Variants in SLC10A2 observed in about 807,000 individuals in gnomAD.
The protein encoded by SLC10A2 is solute carrier family 10 member 2, also known as ileal sodium/bile acid cotransporter.
A neutral mutation model predicts 27.1 loss-of-function variants in SLC10A2; 34 were observed. The ratio of observed to expected loss-of-function variants is 1.26; its 90% CI spans 0.96 to 1.67. The LOEUF (loss-of-function observed/expected upper bound fraction) is 1.67, where lower values mean the gene tolerates loss of function less well. Ranked by LOEUF, SLC10A2 falls within the 40% of genes most tolerant of loss-of-function variation. The pLI, the probability that SLC10A2 is intolerant of heterozygous loss-of-function variation, is 0.00. For missense variants in SLC10A2, 530 were observed against 444.4 expected, an observed-to-expected ratio of 1.19 and a Z score of -1.73; for synonymous variants, 205 against 174.0, an observed-to-expected ratio of 1.18 and a Z score of -1.40.
intron 4 of SLC10A2, among the ~76,000 whole-genome samples, 200 bp downstream of exon 4, chr13:103,051,057 G>T (rs1370209556): frequency 6.6e-6 from 1 of 152,062 alleles, no homozygotes; most frequent in African/African-American, 2.4e-5. Context: ...GGCCAGTAAG[G>T]GATCCCTCCA....
chr13:103,066,384 T>C lies in SLC10A2; in HGVS notation c.-135A>G. The C allele has an allele frequency of 1.1e-6, 1 of 931,164 alleles. No individual in the cohort carries two copies. 57.7% of individuals were successfully genotyped at this position (931,164 alleles called of 1,614,324 possible). A position where few individuals can be genotyped will look rare whatever the true frequency, so the allele number is the denominator to read the frequency against. On this transcript the variant is annotated 5_prime_UTR_variant, in exon 1 of 6. Coordinates refer to ENST00000245312, the MANE Select transcript of SLC10A2 (RefSeq NM_000452.3). ...TAAACCCCTCCTAAAAATATGTCAC[T>C]TGGTGTCTCTTTTGAAAGCCACCTT...
chr13:103,052,268 G>A (rs1595438956), intron 3 of SLC10A2, among the ~76,000 whole-genome samples: 1 of 152,188 alleles, frequency 6.6e-6, no homozygotes, highest in Non-Finnish European at 1.5e-5. Context: ...CCCAAGAGGT[G>A]ATAGTTCAGT....
chr13:103,049,103 T>A (rs146202126), intron 5 of SLC10A2, among the ~76,000 whole-genome samples, 186 bp downstream of exon 5: 16 of 152,328 alleles, frequency 1.1e-4, no homozygotes, highest in Non-Finnish European at 1.3e-4. Flanking sequence ...TTTGCTAGAA[T>A]CTTTTGGTAA....
At chr13:103,063,758 C>T (rs1252455151) in intron 1 of SLC10A2, among the ~76,000 whole-genome samples, 3 of 152,062 alleles carry the variant, frequency 2.0e-5, no homozygotes, top group African/African-American at 4.8e-5. Flanking sequence ...TCTAAAATAC[C>T]GTGACATCTT....
Position 103,065,861 on chromosome 13 carries a change from A to G in SLC10A2, c.377+12T>C, listed in dbSNP as rs56182000. On this transcript the variant is annotated intron_variant, in intron 1 of 5. Coordinates refer to ENST00000245312, the MANE Select transcript of SLC10A2 (RefSeq NM_000452.3). ...AGGTGATTGCAGTAGTTAGAGGTATAGATAATCTTACCTCAGGTCCATGTC... is the reference window on the plus strand; with the variant it reads ...AGGTGATTGCAGTAGTTAGAGGTATGGATAATCTTACCTCAGGTCCATGTC... 0.02 allele frequency: 31,770 copies of G among 1,613,718 alleles called. 401 individuals are homozygous for G. The highest frequency in any genetic ancestry group is 0.037 in the African/African-American group (2,797 of 75,040).
intron 2 of SLC10A2, among the ~76,000 whole-genome samples, chr13:103,056,817 T>C (rs1875952269): frequency 6.6e-6 from 1 of 152,094 alleles, no homozygotes; most frequent in South Asian, 2.1e-4. Context: ...AAGCCCATAC[T>C]GAATAGGGCA....
Position 103,049,397 on chromosome 13 carries a change from A to C in SLC10A2, c.811T>G (p.Ser271Ala). The C allele has an allele frequency of 6.2e-7, 1 of 1,614,084 alleles. No individual in the cohort carries two copies. Among genetic ancestry groups the C allele is most frequent in the Non-Finnish European group, 8.5e-7 (1 of 1,179,958 alleles). ...ETGMQNTQLCSTIVQLSFTPE... is the reference protein window; with the variant it reads ...ETGMQNTQLCATIVQLSFTPE... ...GTGAAGGAGAGCTGAACGATGGTGGAACATAGCTGCGTGTTCTGCATCCCC... is the reference window on the plus strand; with the variant it reads ...GTGAAGGAGAGCTGAACGATGGTGGCACATAGCTGCGTGTTCTGCATCCCC... The change falls in exon 5 of 6, where the codon TCC becomes GCC. Residue 271 changes from serine (S) to alanine (A), a missense_variant. Physicochemically the swap from Ser to Ala is moderately conservative, Grantham distance 99. Coordinates refer to ENST00000245312, the MANE Select transcript of SLC10A2 (RefSeq NM_000452.3).
In SLC10A2 at chr13:103,064,136, T is replaced by G. The variant is rs181425706; in HGVS notation, c.377+1737A>C. On this transcript the variant is annotated intron_variant, in intron 1 of 5. Transcript: ENST00000245312. ...TGGGTCTTGTTGAGCTCTGGATAGGTGAGGTTGCTCCATGTTGCGTTACAG... is the reference window on the plus strand; with the variant it reads ...TGGGTCTTGTTGAGCTCTGGATAGGGGAGGTTGCTCCATGTTGCGTTACAG... Among the ~76,000 whole-genome samples, 365 of 152,256 alleles carry G rather than the reference T, an allele frequency of 2.4e-3. 3 individuals are homozygous for G. Among genetic ancestry groups the G allele is most frequent in the African/African-American group, 8.3e-3 (343 of 41,554 alleles).
At chr13:103,057,342 C>T (rs1875968761) in intron 2 of SLC10A2, among the ~76,000 whole-genome samples, 1 of 152,164 alleles carries the variant, frequency 6.6e-6, no homozygotes, top group Non-Finnish European at 1.5e-5. Context: ...ATAACTTAAT[C>T]TCCCACTATA....
chr13:103,050,533 C>T (rs753641360), intron 4 of SLC10A2, among the ~76,000 whole-genome samples: 57 of 152,304 alleles, frequency 3.7e-4, no homozygotes, highest in Middle Eastern at 3.4e-3. Context: ...GCTGGAGGAA[C>T]GCTTGTCTAT....
chr13:103,058,273 C>T lies in SLC10A2; in HGVS notation c.487G>A (p.Asp163Asn). The T allele has an allele frequency of 6.3e-7, 1 of 1,577,210 alleles. No homozygotes were observed. The highest frequency in any genetic ancestry group is 8.7e-7 in the Non-Finnish European group (1 of 1,146,444). ...VDSGSIVIPY[D>N]NIGTSLVSLV... ...CAGATGGATGACTTACCTATGTTAT[C>T]ATAGGGAATTACGATGCTCCCAGAG... The change falls in exon 2 of 6, where the codon GAT (aspartate) becomes AAT (asparagine). Residue 163 changes from aspartate (D) to asparagine (N), a missense_variant. Transcript: ENST00000245312.
In SLC10A2 at chr13:103,052,848, ACACACACACACATG is replaced by A. The variant is rs571724934; in HGVS notation, c.497-154_497-141del. The stretch of plus-strand genomic sequence containing the variant: ...AATACACAAAACAGAATACAGAATT[ACACACACACACATG>A]CACACACACACTCACTCAACTTCTT... On this transcript the variant is annotated intron_variant, in intron 2 of 5. Transcript: ENST00000245312. The A allele has an allele frequency of 3.0e-4, 197 of 659,150 alleles. 2 individuals carry two copies. In the East Asian group the frequency reaches 3.4e-3, roughly 12 times the overall value. 40.8% of individuals were successfully genotyped at this position (659,150 alleles called of 1,614,324 possible).
At chr13:103,046,415 T>C (rs1315568398) in intron 5 of SLC10A2, among the ~76,000 whole-genome samples, 155 bp from the exon 6 acceptor site, 1 of 152,194 alleles carries the variant, frequency 6.6e-6, no homozygotes, top group African/African-American at 2.4e-5. Context: ...CTTAGTTCTA[T>C]GGCTACTCAT....
At chr13:103,064,197 C>T (rs941233175) in intron 1 of SLC10A2, among the ~76,000 whole-genome samples, 7 of 151,992 alleles carry the variant, frequency 4.6e-5, no homozygotes, top group Non-Finnish European at 7.4e-5. Context: ...TTCATTTGCA[C>T]GGATTTAGCT....
chr13:103,057,350 A>G (rs908627974), intron 2 of SLC10A2, among the ~76,000 whole-genome samples: 2 of 152,120 alleles, frequency 1.3e-5, no homozygotes, highest in Non-Finnish European at 2.9e-5. Flanking sequence ...ATCTCCCACT[A>G]TAATTTGTTT....
At chr13:103,064,325 T>G (rs1278504631) in intron 1 of SLC10A2, among the ~76,000 whole-genome samples, 1 of 152,214 alleles carries the variant, frequency 6.6e-6, no homozygotes, top group African/African-American at 2.4e-5. Context: ...TCAAGAGAAA[T>G]AAGATTTCCT....
rs752871761 is a variant in SLC10A2 at position 103,051,465 on chromosome 13, T to G, written c.586-33A>C. 5.0e-6 allele frequency: 8 copies of G among 1,610,778 alleles called. No individual in the cohort carries two copies. The Middle Eastern group carries it at 8.4e-4, about 170-fold the overall frequency. Reference sequence around the variant, plus strand: ...AAAAAGGAATAAGTGAACCCAGCAATCATGAGTCAAAGCAAATCCAAGTAT... The same window carrying G: ...AAAAAGGAATAAGTGAACCCAGCAAGCATGAGTCAAAGCAAATCCAAGTAT... On this transcript the variant is annotated intron_variant, in intron 3 of 5. Transcript: ENST00000245312.
chr13:103,046,847 C>T (rs1460428941), intron 5 of SLC10A2, among the ~76,000 whole-genome samples: 4 of 152,156 alleles, frequency 2.6e-5, no homozygotes, highest in East Asian at 1.9e-4. Flanking sequence ...CTCTGCCCTG[C>T]GAGGCAAGAC....
chr13:103,064,309 C>A (rs753361564), intron 1 of SLC10A2, among the ~76,000 whole-genome samples: 1 of 152,160 alleles, frequency 6.6e-6, no homozygotes, highest in African/African-American at 2.4e-5. Flanking sequence ...ATAATCATCT[C>A]CTGTTTCAAG....
Sources: gnomAD v4.1 joint callset for allele counts (sites outside exome capture counted in the v4.1 genomes callset) on GRCh38, gnomAD v4.1.1 for gene constraint, MANE v1.5 for transcripts, NCBI Gene and HGNC (gene_info 2026-07-23, HGNC 2026-07-21) for gene names.